The following CADM2 variants were observed in gnomAD, a reference collection of about 807,000 sequenced individuals.
The protein encoded by CADM2 is cell adhesion molecule 2.
In CADM2, 12 loss-of-function variants were observed where a neutral mutation model predicts 49.8. The ratio of observed to expected loss-of-function variants is 0.24; its 90% CI spans 0.15 to 0.39. CADM2 has a LOEUF of 0.39. Ranked by LOEUF, CADM2 falls within the 10% of genes least tolerant of loss-of-function variation. The pLI is 1.00. For missense variants in CADM2, 378 were observed against 492.3 expected (o/e 0.77, Z 2.20); for synonymous variants, 214 against 175.4 (o/e 1.22, Z -1.74).
intron 2 of CADM2, among the ~76,000 whole-genome samples, chr3:85,771,575 T>C (rs2070086999): frequency 6.6e-6 from 1 of 152,084 alleles, no homozygotes; most frequent in Admixed American, 6.6e-5. Flanking sequence ...TTTAAACAGA[T>C]ACTAAACATT....
intron 1 of CADM2, among the ~76,000 whole-genome samples, chr3:85,437,732 T>G (rs1051665783): frequency 2.0e-5 from 3 of 152,008 alleles, no homozygotes; most frequent in African/African-American, 7.2e-5. Flanking sequence ...TAAATGAGAT[T>G]CAAACCTCCA....
chr3:85,150,863 C>T (rs565182192), intron 1 of CADM2, among the ~76,000 whole-genome samples: 12 of 151,534 alleles, frequency 7.9e-5, no homozygotes, highest in Middle Eastern at 3.4e-3. Flanking sequence ...GAGCTGATAT[C>T]GCACCATTGC....
At chr3:85,897,407 C>T (rs1248384809) in intron 5 of CADM2, among the ~76,000 whole-genome samples, 1 of 149,454 alleles carries the variant, frequency 6.7e-6, no homozygotes, top group Non-Finnish European at 1.5e-5. Context: ...GTAGCTGGGA[C>T]TACAGGCGCC....
chr3:85,937,868 C>G (rs925407089), intron 7 of CADM2, among the ~76,000 whole-genome samples: 2 of 152,000 alleles, frequency 1.3e-5, no homozygotes, highest in Non-Finnish European at 2.9e-5. Context: ...AGCTCCACAA[C>G]GTCTTCAAAG....
At chr3:85,444,940 A>T (rs1174381541) in intron 1 of CADM2, among the ~76,000 whole-genome samples, 1 of 152,104 alleles carries the variant, frequency 6.6e-6, no homozygotes, top group Admixed American at 6.5e-5. Context: ...GAGTGAGTAG[A>T]TGTAAATTTT....
intron 3 of CADM2, among the ~76,000 whole-genome samples, chr3:85,871,092 G>A (rs1415522207): frequency 2.0e-5 from 3 of 152,138 alleles, no homozygotes; most frequent in Admixed American, 1.3e-4. Flanking sequence ...AAACAACAGA[G>A]TGAACAGACA....
chr3:85,183,915 G>C (rs2107709769), intron 1 of CADM2, among the ~76,000 whole-genome samples: 1 of 152,180 alleles, frequency 6.6e-6, no homozygotes, highest in African/African-American at 2.4e-5. Context: ...TTTAGAAAAA[G>C]TAAAGGCTTT....
At chr3:85,347,955 C>T (rs1468573480) in intron 1 of CADM2, among the ~76,000 whole-genome samples, 2 of 151,946 alleles carry the variant, frequency 1.3e-5, no homozygotes, top group Non-Finnish European at 2.9e-5. Context: ...CTACAGGCGC[C>T]CACCACTGCG....
At chr3:85,922,925 G>A (rs985238668) in intron 6 of CADM2, among the ~76,000 whole-genome samples, 15 of 151,512 alleles carry the variant, frequency 9.9e-5, no homozygotes, top group African/African-American at 3.4e-4. Context: ...GGGTTCAAGC[G>A]ATTCTCCTGC....
chr3:85,329,829 C>T (rs777121250), intron 1 of CADM2, among the ~76,000 whole-genome samples: 1 of 151,830 alleles, frequency 6.6e-6, no homozygotes, highest in Non-Finnish European at 1.5e-5. Flanking sequence ...TTTGAGACAA[C>T]ACATGACAAT....
At chr3:85,468,876 G>A (rs1229208475) in intron 1 of CADM2, among the ~76,000 whole-genome samples, 1 of 152,164 alleles carries the variant, frequency 6.6e-6, no homozygotes, top group African/African-American at 2.4e-5. Flanking sequence ...GCAGCCCCTG[G>A]GAGAATGTAG....
intron 8 of CADM2, among the ~76,000 whole-genome samples, chr3:85,990,013 CAAAAAAAAAAAAAAAAAAA>C (rs58178176): frequency 2.3e-3 from 22 of 9,640 alleles, no homozygotes; most frequent in Non-Finnish European, 4.3e-3. Flanking sequence ...ACTCCATGTC[CAAAAAAAAAAAAAAAAAAA>C]AAAAAAAAAA....
At chr3:85,999,328 AC>A (rs1361723980) in intron 8 of CADM2, among the ~76,000 whole-genome samples, 3 of 151,480 alleles carry the variant, frequency 2.0e-5, no homozygotes, top group African/African-American at 7.3e-5. Context: ...ACATGGTGAA[AC>A]CCCCATCTCT....
chr3:86,013,541 G>A lies in CADM2; in HGVS notation c.970+51894G>A. The A allele has an allele frequency of 3.1e-6, 5 of 1,605,084 alleles. No individual in the cohort carries two copies. The South Asian group carries it at 4.4e-5, about 14-fold the overall frequency. On this transcript the variant is annotated intron_variant, in intron 8 of 9. Coordinates refer to ENST00000383699, the MANE Select transcript of CADM2 (RefSeq NM_001167675.2). ...ACACGTTGTTTTCTTCAAAAACACA[G>A]CAGAGGCAGATGGTAGAGATCTGTG...
intron 8 of CADM2, among the ~76,000 whole-genome samples, chr3:86,015,822 A>G (rs1732154085): frequency 6.6e-6 from 1 of 152,170 alleles, no homozygotes; most frequent in African/African-American, 2.4e-5. Flanking sequence ...GGCCATGGGT[A>G]CTGACAACTG....
At chr3:84,966,773 G>A (rs2107066029) in intron 1 of CADM2, among the ~76,000 whole-genome samples, 1 of 152,130 alleles carries the variant, frequency 6.6e-6, no homozygotes, top group Non-Finnish European at 1.5e-5. Context: ...CTCTTTCTGA[G>A]TCAGCAAATC....
chr3:84,983,249 T>G (rs956759209), intron 1 of CADM2, among the ~76,000 whole-genome samples: 3 of 152,242 alleles, frequency 2.0e-5, no homozygotes, highest in African/African-American at 7.2e-5. Flanking sequence ...TTTCTTATTT[T>G]TGCATGAAAT....
At chr3:85,224,403 G>A (rs2042106136) in intron 1 of CADM2, among the ~76,000 whole-genome samples, 1 of 152,074 alleles carries the variant, frequency 6.6e-6, no homozygotes, top group African/African-American at 2.4e-5. Context: ...GTCTTCTTTT[G>A]AGAAGTGTCT....
intron 3 of CADM2, among the ~76,000 whole-genome samples, chr3:85,817,406 T>C (rs1021859549): frequency 1.4e-5 from 2 of 141,526 alleles, no homozygotes; most frequent in African/African-American, 2.6e-5. Context: ...ATACACATAG[T>C]CCACCCTTCT....
Sources: gnomAD v4.1 joint callset for allele counts (sites outside exome capture counted in the v4.1 genomes callset) on GRCh38, gnomAD v4.1.1 for gene constraint, MANE v1.5 for transcripts, NCBI Gene and HGNC (gene_info 2026-07-23, HGNC 2026-07-21) for gene names.